Variants in LZTFL1 observed in about 807,000 individuals in gnomAD.
The protein encoded by LZTFL1 is leucine zipper transcription factor like 1, also known as leucine zipper transcription factor-like protein 1.
A neutral mutation model predicts 45.9 loss-of-function variants in LZTFL1; 25 were observed. The ratio of observed to expected loss-of-function variants is 0.54; its 90% CI spans 0.40 to 0.76. The LOEUF is 0.76. LZTFL1 is among the 30% of genes least tolerant of loss of function. The pLI is 0.00. For synonymous variants in LZTFL1, 93 were observed against 117.4 expected (o/e 0.79, Z 1.35); for missense variants, 277 against 331.1 (o/e 0.84, Z 1.27).
At chr3:45,833,297 GGATA>G in intron 4 of LZTFL1, among the ~76,000 whole-genome samples, 176 bp from the exon 5 acceptor site, 1 of 152,298 alleles carries the variant, frequency 6.6e-6, no homozygotes, top group South Asian at 2.1e-4. Context: ...CCAGTGCCTA[GGATA>G]TGCCTGTCCT....
At chr3:45,885,367 CT>C (rs1701951890) in intron 2 of LZTFL1, among the ~76,000 whole-genome samples, 1 of 152,222 alleles carries the variant, frequency 6.6e-6, no homozygotes, top group African/African-American at 2.4e-5. Flanking sequence ...GATGGGAAGA[CT>C]TCGTCTGTGA....
At chr3:45,838,993 A>C (rs1345478524) in intron 1 of LZTFL1, among the ~76,000 whole-genome samples, 2 of 152,288 alleles carry the variant, frequency 1.3e-5, no homozygotes, top group Non-Finnish European at 2.9e-5. Flanking sequence ...AGACAATATT[A>C]TCTCTGATAG....
At chr3:45,899,662 G>A (rs953667500) in intron 2 of LZTFL1, among the ~76,000 whole-genome samples, 2 of 152,132 alleles carry the variant, frequency 1.3e-5, no homozygotes, top group African/African-American at 4.8e-5. Context: ...CCTAATGGGA[G>A]CCCTCAGAAG....
intron 2 of LZTFL1, among the ~76,000 whole-genome samples, chr3:45,906,563 A>T (rs1702681855): frequency 6.6e-6 from 1 of 152,234 alleles, no homozygotes; most frequent in East Asian, 1.9e-4. Context: ...TGACCATGTC[A>T]TGCAAATGCT....
chr3:45,829,497 G>A (rs1325376590), intron 7 of LZTFL1, among the ~76,000 whole-genome samples: 1 of 151,742 alleles, frequency 6.6e-6, no homozygotes, highest in African/African-American at 2.4e-5. Flanking sequence ...CCAACCACTT[G>A]GGAGGCTGAG....
chr3:45,869,668 C>T (rs1347003814), intron 2 of LZTFL1, among the ~76,000 whole-genome samples: 2 of 152,122 alleles, frequency 1.3e-5, no homozygotes. Flanking sequence ...GTGGGTAATG[C>T]CTGGAGATGG....
intron 2 of LZTFL1, among the ~76,000 whole-genome samples, chr3:45,894,207 G>A (rs1240918284): frequency 3.3e-5 from 5 of 152,132 alleles, no homozygotes; most frequent in East Asian, 3.8e-4. Flanking sequence ...AGTCAGTTCC[G>A]AGGCCCTGTG....
At chr3:45,845,743 T>G (rs1701208231), upstream of LZTFL1, among the ~76,000 whole-genome samples, 1 of 152,220 alleles carries the variant, frequency 6.6e-6, no homozygotes, top group Non-Finnish European at 1.5e-5. Context: ...CATTTCATCA[T>G]AGAAAATGTA....
chr3:45,913,343 T>C (rs971798000), intron 1 of LZTFL1, among the ~76,000 whole-genome samples: 8 of 151,822 alleles, frequency 5.3e-5, no homozygotes, highest in Non-Finnish European at 1.0e-4. Flanking sequence ...CCTTTGACAA[T>C]CTGACAAAGC....
At chr3:45,899,416 A>G (rs1231068627) in intron 2 of LZTFL1, among the ~76,000 whole-genome samples, 1 of 152,248 alleles carries the variant, frequency 6.6e-6, no homozygotes, top group African/African-American at 2.4e-5. Context: ...CTATTTAAAT[A>G]TAAACATTCA....
Position 45,834,325 on chromosome 3 carries a change from T to G in LZTFL1, c.324-27A>C, listed in dbSNP as rs765549696. 2.8e-6 allele frequency: 4 copies of G among 1,430,974 alleles called. 1 individual carries two copies. In the South Asian group the frequency reaches 3.5e-5, roughly 13 times the overall value. The allele number at this position is 1,430,974 out of a possible 1,614,324, so 88.6% of individuals were successfully genotyped here. ...TTGAAGAAGAAAGCAAAGATAAAAA[T>G]TATTCATTTAAAATAGATTTATATC... is the stretch of plus-strand genomic sequence containing the variant. On this transcript the variant is annotated intron_variant, in intron 3 of 9. Transcript: ENST00000296135.
chr3:45,836,046 TACTTTTTTA>T (rs992355547), intron 2 of LZTFL1, among the ~76,000 whole-genome samples: 5 of 152,230 alleles, frequency 3.3e-5, no homozygotes, highest in Admixed American at 1.3e-4. Context: ...AACCATCATC[TACTTTTTTA>T]ACTTTTTAGT....
intron 2 of LZTFL1, among the ~76,000 whole-genome samples, chr3:45,907,790 T>C (rs1027793309): frequency 6.6e-6 from 1 of 152,188 alleles, no homozygotes; most frequent in Non-Finnish European, 1.5e-5. Flanking sequence ...CTGACTCCTA[T>C]GTTTGGACCC....
intron 2 of LZTFL1, among the ~76,000 whole-genome samples, chr3:45,890,958 C>T (rs1702161440): frequency 6.6e-6 from 1 of 152,166 alleles, no homozygotes; most frequent in Non-Finnish European, 1.5e-5. Context: ...TGTACGAATG[C>T]ATAGAAACAC....
chr3:45,830,428 C>A (rs1188484290), intron 7 of LZTFL1, among the ~76,000 whole-genome samples: 1 of 152,094 alleles, frequency 6.6e-6, no homozygotes, highest in Non-Finnish European at 1.5e-5. Context: ...CGGGTACAGA[C>A]GCATCTGCAG....
At chr3:45,852,975 C>G (rs1701330548) in intron 4 of LZTFL1, among the ~76,000 whole-genome samples, 1 of 152,240 alleles carries the variant, frequency 6.6e-6, no homozygotes, top group South Asian at 2.1e-4. Context: ...TCTTCAAACA[C>G]TGTTACCAAC....
At position 45,863,064 on chromosome 3, in the gene LZTFL1, T is replaced by C. The variant is rs538461177; in HGVS notation, c.-214-4048A>G. ...GAATAATTCAATAAAAACACATGCA[T>C]TGAATGTATATTCATGAGTCCATAA... On this transcript the variant is annotated intron_variant, in intron 2 of 4. Transcript: ENST00000472635. 2.6e-5 allele frequency among the ~76,000 whole-genome samples: 4 copies of C among 152,326 alleles called. No individual in the cohort carries two copies. In the East Asian group the frequency reaches 7.7e-4, roughly 29 times the overall value.
intron 1 of LZTFL1, 147 bp downstream of exon 1, chr3:45,841,842 C>T: frequency 1.9e-6 from 2 of 1,070,882 alleles, no homozygotes; most frequent in South Asian, 1.4e-5. Context: ...CTCTCGCGCC[C>T]GGCGCAGCTC....
chr3:45,882,204 A>G (rs1701873375), intron 2 of LZTFL1, among the ~76,000 whole-genome samples: 1 of 152,240 alleles, frequency 6.6e-6, no homozygotes, highest in Non-Finnish European at 1.5e-5. Context: ...AACCATGGCC[A>G]GTATCCACAT....
Sources: allele counts gnomAD v4.1 joint callset (sites outside exome capture counted in the v4.1 genomes callset), GRCh38; gene constraint gnomAD v4.1.1; transcripts MANE v1.5; gene names NCBI Gene and HGNC (gene_info 2026-07-23, HGNC 2026-07-21).